RBFOX1: variants seen among roughly 807,000 people sequenced by gnomAD.
RBFOX1 encodes RNA binding fox-1 homolog 1.
In RBFOX1, 8 loss-of-function variants were observed where a neutral mutation model predicts 57.7. The ratio of observed to expected loss-of-function variants is 0.14; its 90% CI spans 0.08 to 0.25. The LOEUF (loss-of-function observed/expected upper bound fraction) is 0.25, where lower values mean the gene tolerates loss of function less well. RBFOX1 is among the 10% of genes least tolerant of loss of function. RBFOX1 has a pLI of 1.00. For synonymous variants in RBFOX1, 326 were observed against 222.4 expected (o/e 1.47, Z -4.15); for missense variants, 611 against 548.5 (o/e 1.11, Z -1.14).
At chr16:5,644,728 A>G (rs889814980) in intron 3 of RBFOX1, among the ~76,000 whole-genome samples, 1 of 152,226 alleles carries the variant, frequency 6.6e-6, no homozygotes, top group African/African-American at 2.4e-5. Flanking sequence ...CAAAAAGCCC[A>G]GGTATGGCTG....
intron 4 of RBFOX1, among the ~76,000 whole-genome samples, chr16:7,071,649 A>T (rs9937690): frequency 0.58 from 87,423 of 151,034 alleles, 28,928 homozygotes; most frequent in East Asian, 0.9. Flanking sequence ...GGTAATTTAT[A>T]CATACATACA....
intron 1 of RBFOX1, among the ~76,000 whole-genome samples, chr16:6,249,955 T>A (rs2097595115): frequency 6.6e-6 from 1 of 151,966 alleles, no homozygotes; most frequent in South Asian, 2.1e-4. Flanking sequence ...GCCCACATTT[T>A]AAGGTTACTC....
intron 3 of RBFOX1, among the ~76,000 whole-genome samples, chr16:6,949,986 G>T (rs149985950): frequency 2.0e-5 from 3 of 150,302 alleles, no homozygotes; most frequent in Admixed American, 6.6e-5. Flanking sequence ...TTGCTCTGTT[G>T]CCCAGGCTGG....
chr16:5,717,527 C>G lies in RBFOX1; in HGVS notation c.318+118566C>G, dbSNP rs576471894. 1.1e-4 allele frequency among the ~76,000 whole-genome samples: 16 copies of G among 152,248 alleles called. No homozygotes were observed. In the East Asian group the frequency reaches 3.1e-3, roughly 29 times the overall value. On this transcript the variant is annotated intron_variant, in intron 3 of 19. Transcript: ENST00000641259. The stretch of plus-strand genomic sequence containing the variant: ...CCTCCCACCCTTCACCCTTAGTCCC[C>G]AAAGTCCATTTTTCATTCTTATGCT...
chr16:7,567,280 CCT>C (rs1491144127), intron 5 of RBFOX1, among the ~76,000 whole-genome samples: 20 of 121,104 alleles, frequency 1.7e-4, no homozygotes, highest in African/African-American at 5.6e-4. Context: ...TATATATATC[CCT>C]ATATATCCTT....
chr16:6,490,419 A>G (rs1186825086), intron 2 of RBFOX1, among the ~76,000 whole-genome samples: 1 of 152,182 alleles, frequency 6.6e-6, no homozygotes, highest in African/African-American at 2.4e-5. Flanking sequence ...TGTACTTGAA[A>G]ATGTCTCACA....
intron 4 of RBFOX1, among the ~76,000 whole-genome samples, chr16:7,480,447 A>G (rs1321371312): frequency 1.3e-5 from 2 of 152,228 alleles, no homozygotes; most frequent in African/African-American, 2.4e-5. Flanking sequence ...AGTGAATGCA[A>G]TAGACATTTG....
intron 3 of RBFOX1, among the ~76,000 whole-genome samples, chr16:6,686,695 G>C (rs1219515810): frequency 6.6e-6 from 1 of 152,060 alleles, no homozygotes; most frequent in Non-Finnish European, 1.5e-5. Context: ...AATGCTAAGG[G>C]AACGCAATTG....
At chr16:7,050,179 A>G (rs1382520724) in intron 3 of RBFOX1, among the ~76,000 whole-genome samples, 3 of 149,644 alleles carry the variant, frequency 2.0e-5, no homozygotes, top group East Asian at 3.9e-4. Flanking sequence ...TATTTATAGA[A>G]TTGTACCAGT....
chr16:5,455,023 C>CCT (rs1555524328), intron 1 of RBFOX1, among the ~76,000 whole-genome samples: 160 of 111,686 alleles, frequency 1.4e-3, no homozygotes, highest in Middle Eastern at 4.1e-3. Flanking sequence ...TTCTTTCTTT[C>CCT]TCTCTCTCTG....
chr16:7,310,105 A>G (rs552349376), intron 4 of RBFOX1, among the ~76,000 whole-genome samples: 3 of 152,326 alleles, frequency 2.0e-5, no homozygotes, highest in African/African-American at 7.2e-5. Flanking sequence ...GCTCTCAGGC[A>G]CAATGGCCCA....
At chr16:5,627,753 C>T (rs1239520932) in intron 3 of RBFOX1, among the ~76,000 whole-genome samples, 1 of 152,080 alleles carries the variant, frequency 6.6e-6, no homozygotes, top group African/African-American at 2.4e-5. Context: ...ATTTACATAG[C>T]ATTTACATTG....
intron 4 of RBFOX1, among the ~76,000 whole-genome samples, chr16:7,211,247 C>T (rs2091069783): frequency 6.6e-6 from 1 of 151,736 alleles, no homozygotes; most frequent in Admixed American, 6.6e-5. Flanking sequence ...AAGAAATTAG[C>T]CAGGTGTGGT....
intron 2 of RBFOX1, among the ~76,000 whole-genome samples, chr16:5,519,041 G>GA (rs756147071): frequency 1.3e-5 from 2 of 152,160 alleles, no homozygotes; most frequent in Non-Finnish European, 2.9e-5. Context: ...TACAGAAGGA[G>GA]AACTGTGTGG....
intron 3 of RBFOX1, among the ~76,000 whole-genome samples, chr16:5,849,418 T>C (rs1174647970): frequency 6.6e-6 from 1 of 152,086 alleles, no homozygotes; most frequent in Non-Finnish European, 1.5e-5. Context: ...TCTGGGGCAC[T>C]GATGCATTTG....
At chr16:6,489,239 C>A (rs1022249704) in intron 2 of RBFOX1, among the ~76,000 whole-genome samples, 2 of 152,182 alleles carry the variant, frequency 1.3e-5, no homozygotes, top group Non-Finnish European at 2.9e-5. Context: ...ATTCTAACAA[C>A]CTTCCCATAT....
intron 4 of RBFOX1, among the ~76,000 whole-genome samples, chr16:7,494,586 A>G (rs1306414724): frequency 6.6e-6 from 1 of 152,176 alleles, no homozygotes; most frequent in Non-Finnish European, 1.5e-5. Flanking sequence ...TACTTTCATG[A>G]CCTAATTTAT....
intron 4 of RBFOX1, among the ~76,000 whole-genome samples, chr16:7,432,970 G>A (rs1011485241): frequency 2.0e-5 from 3 of 152,236 alleles, no homozygotes; most frequent in African/African-American, 7.2e-5. Context: ...AGACTTCTCT[G>A]CAGCTTCTGT....
At chr16:5,810,661 C>T (rs527676123) in intron 3 of RBFOX1, among the ~76,000 whole-genome samples, 12 of 152,312 alleles carry the variant, frequency 7.9e-5, no homozygotes, top group Admixed American at 7.8e-4. Flanking sequence ...TCCCCATCTG[C>T]ACAATCAGAA....
Sources: gnomAD v4.1 joint callset for allele counts (sites outside exome capture counted in the v4.1 genomes callset) on GRCh38, gnomAD v4.1.1 for gene constraint, MANE v1.5 for transcripts, NCBI Gene and HGNC (gene_info 2026-07-23, HGNC 2026-07-21) for gene names.